The following SHC4 variants were observed in gnomAD, a reference collection of about 807,000 sequenced individuals.
The protein encoded by SHC4 is SHC adaptor protein 4.
SHC4 carries 41 observed loss-of-function variants against 69.4 expected under a neutral mutation model. That is an observed-to-expected ratio of 0.59 (90% confidence interval 0.46 to 0.77). The LOEUF is 0.77. Ranked by LOEUF, SHC4 falls within the 30% of genes least tolerant of loss-of-function variation. The pLI is 0.00. For synonymous variants in SHC4, 318 were observed against 299.3 expected (o/e 1.06, Z -0.64); for missense variants, 777 against 783.8 (o/e 0.99, Z 0.10).
At chr15:48,890,875 GA>G in intron 2 of SHC4, 64 bp from the exon 3 acceptor site, 1 of 1,555,202 alleles carries the variant, frequency 6.4e-7, no homozygotes, top group Non-Finnish European at 8.9e-7. Context: ...AAGTGTTTAA[GA>G]AATGTTAGAA....
At chr15:48,882,729 A>C (rs1899967331) in intron 4 of SHC4, among the ~76,000 whole-genome samples, 1 of 152,226 alleles carries the variant, frequency 6.6e-6, no homozygotes, top group South Asian at 2.1e-4. Context: ...AGATAACCCG[A>C]GGGCTCCTTT....
intron 1 of SHC4, among the ~76,000 whole-genome samples, chr15:48,937,583 C>G (rs909051985): frequency 6.8e-6 from 1 of 147,808 alleles, no homozygotes; most frequent in African/African-American, 2.5e-5. Context: ...CACACAGACA[C>G]ATAGATAGAT....
chr15:48,905,713 T>G (rs1461695745), intron 2 of SHC4, among the ~76,000 whole-genome samples: 1 of 152,252 alleles, frequency 6.6e-6, no homozygotes, highest in Non-Finnish European at 1.5e-5. Flanking sequence ...ATTCATGTGT[T>G]TTAATCTCTG....
At chr15:48,846,708 G>T (rs1212541087) in intron 9 of SHC4, among the ~76,000 whole-genome samples, 1 of 152,172 alleles carries the variant, frequency 6.6e-6, no homozygotes, top group Non-Finnish European at 1.5e-5. Context: ...TTCAGTGCTT[G>T]GGATGAAGCA....
At chr15:48,842,767 CA>C (rs1408612608) in intron 10 of SHC4, among the ~76,000 whole-genome samples, 1 of 151,958 alleles carries the variant, frequency 6.6e-6, no homozygotes, top group Non-Finnish European at 1.5e-5. Context: ...CCTGTGTTTA[CA>C]AAAAATACAA....
chr15:48,863,942 T>A (rs963804461), intron 6 of SHC4, among the ~76,000 whole-genome samples: 2 of 152,204 alleles, frequency 1.3e-5, no homozygotes, highest in African/African-American at 2.4e-5. Context: ...GAATGATATG[T>A]TTACATACTC....
intron 2 of SHC4, among the ~76,000 whole-genome samples, chr15:48,891,121 A>T (rs1430107312): frequency 6.6e-6 from 1 of 152,172 alleles, no homozygotes; most frequent in Non-Finnish European, 1.5e-5. Context: ...ACCAAAAAGG[A>T]GGGGCAGGGC....
chr15:48,938,261 A>G (rs1343038312), intron 1 of SHC4: 3 of 152,208 alleles, frequency 2.0e-5, no homozygotes, highest in African/African-American at 7.2e-5. Flanking sequence ...AGGTTGTGTC[A>G]AAGTATTAAT....
At position 48,824,803 on chromosome 15, in the gene SHC4, A is replaced by G. The variant is rs1036299989; in HGVS notation, c.*1168T>C. ...AAACTGGAACCCAAACAGATTCAGC[A>G]ACTTGCTGAAGGTCACACTGGTAAG... On this transcript the variant is annotated 3_prime_UTR_variant, in exon 12 of 12. Coordinates refer to ENST00000332408, the MANE Select transcript of SHC4 (RefSeq NM_203349.4). 6.6e-6 allele frequency: 1 copy of G among 152,662 alleles called. No homozygotes were observed. Among genetic ancestry groups the G allele is most frequent in the Admixed American group, 6.5e-5 (1 of 15,282 alleles). 9.5% of individuals were successfully genotyped at this position (152,662 alleles called of 1,614,324 possible). A position where few individuals can be genotyped will look rare whatever the true frequency, so the allele number is the denominator to read the frequency against.
chr15:48,882,588 C>G (rs569548416), intron 4 of SHC4, among the ~76,000 whole-genome samples: 24 of 152,140 alleles, frequency 1.6e-4, no homozygotes, highest in Non-Finnish European at 2.9e-4. Context: ...CAATCCCATT[C>G]ATAAATTCCT....
intron 1 of SHC4, among the ~76,000 whole-genome samples, chr15:48,957,222 C>T (rs935594310): frequency 2.0e-5 from 3 of 152,034 alleles, no homozygotes; most frequent in Admixed American, 6.6e-5. Context: ...AAGTGATATG[C>T]GTGCCTCAGC....
At chr15:48,833,659 T>C (rs1166906949) in intron 11 of SHC4, among the ~76,000 whole-genome samples, 1 of 152,152 alleles carries the variant, frequency 6.6e-6, no homozygotes, top group Non-Finnish European at 1.5e-5. Flanking sequence ...GAGCACTCCA[T>C]GTGAAGTGAG....
At chr15:48,911,705 C>T (rs986411906) in intron 2 of SHC4, among the ~76,000 whole-genome samples, 1 of 152,030 alleles carries the variant, frequency 6.6e-6, no homozygotes, top group African/African-American at 2.4e-5. Context: ...GTGATTTATG[C>T]TTTAAAGAAG....
At chr15:48,939,682 C>T (rs188940843) in intron 1 of SHC4, among the ~76,000 whole-genome samples, 12 of 152,274 alleles carry the variant, frequency 7.9e-5, no homozygotes, top group East Asian at 1.9e-4. Context: ...TTAGATGTGA[C>T]GCCAATTTCT....
intron 5 of SHC4, among the ~76,000 whole-genome samples, chr15:48,871,033 T>C (rs905662368): frequency 2.6e-5 from 4 of 152,236 alleles, no homozygotes; most frequent in Non-Finnish European, 5.9e-5. Context: ...CTTGGGTTTC[T>C]AGGTTATTGT....
chr15:48,925,112 A>G (rs1343277817), intron 1 of SHC4, among the ~76,000 whole-genome samples, 163 bp from the exon 2 acceptor site: 1 of 152,268 alleles, frequency 6.6e-6, no homozygotes, highest in Non-Finnish European at 1.5e-5. Flanking sequence ...TAATGGACAC[A>G]TGCCTAAAGG....
intron 6 of SHC4, among the ~76,000 whole-genome samples, chr15:48,867,141 T>A (rs1302888093): frequency 2.6e-5 from 4 of 152,138 alleles, no homozygotes; most frequent in Non-Finnish European, 4.4e-5. Flanking sequence ...AAGTGCAATA[T>A]GTGAGTAAAT....
intron 2 of SHC4, among the ~76,000 whole-genome samples, chr15:48,902,485 G>T (rs1387189040): frequency 6.6e-6 from 1 of 152,130 alleles, no homozygotes; most frequent in African/African-American, 2.4e-5. Context: ...AAAACAAAGT[G>T]TAACCCTTGT....
chr15:48,954,087 G>C (rs1258189758), intron 1 of SHC4, among the ~76,000 whole-genome samples: 1 of 152,150 alleles, frequency 6.6e-6, no homozygotes, highest in Non-Finnish European at 1.5e-5. Context: ...CATCCCACTG[G>C]CTCAAGGTTT....
Sources: gnomAD v4.1 joint callset for allele counts (sites outside exome capture counted in the v4.1 genomes callset) on GRCh38, gnomAD v4.1.1 for gene constraint, MANE v1.5 for transcripts, NCBI Gene and HGNC (gene_info 2026-07-23, HGNC 2026-07-21) for gene names.